Variants in C10orf67 observed in about 807,000 individuals in gnomAD.
C10orf67 encodes the protein chromosome 10 open reading frame 67.
In C10orf67, 60 loss-of-function variants were observed where a neutral mutation model predicts 35.6. The observed-to-expected ratio is 1.68, with a 90% CI of 1.37 to 2.09. The LOEUF (loss-of-function observed/expected upper bound fraction) is 2.09, where lower values mean the gene tolerates loss of function less well. Ranked by LOEUF, C10orf67 falls within the 30% of genes most tolerant of loss-of-function variation. The pLI is 0.00. For missense variants in C10orf67, 474 were observed against 330.2 expected (o/e 1.44, Z -3.38); for synonymous variants, 167 against 115.8 (o/e 1.44, Z -2.84).
At chr10:23,283,338 G>A (rs953978440) in intron 7 of C10orf67, among the ~76,000 whole-genome samples, 4 of 152,090 alleles carry the variant, frequency 2.6e-5, no homozygotes, top group Admixed American at 1.3e-4. Flanking sequence ...TCAACCTTTC[G>A]TTGTGATATG....
Position 23,240,599 on chromosome 10 carries a change from G to A in C10orf67, c.1347-783C>T, listed in dbSNP as rs188919893. ...AGCCTATCTTGATTGCAAGCGATGC[G>A]AAAATTAGGAGATTTGCTGTCAGGA... is the stretch of plus-strand genomic sequence containing the variant. On this transcript the variant is annotated intron_variant, in intron 12 of 15. Transcript: ENST00000636213. Among the ~76,000 whole-genome samples, 468 of 152,306 alleles carry A rather than the reference G, an allele frequency of 3.1e-3. 4 individuals are homozygous for A. Among genetic ancestry groups the A allele is most frequent in the African/African-American group, 0.011 (444 of 41,568 alleles).
At chr10:23,253,053 T>C (rs1842502057) in intron 10 of C10orf67, among the ~76,000 whole-genome samples, 1 of 151,552 alleles carries the variant, frequency 6.6e-6, no homozygotes, top group Non-Finnish European at 1.5e-5. Context: ...GCCATCCATG[T>C]AAGATGTGAC....
At chr10:23,318,689 G>A (rs573692101) in intron 4 of C10orf67, 1 of 537,160 alleles carries the variant, frequency 1.9e-6, no homozygotes, top group Non-Finnish European at 3.3e-6. Context: ...GAGATCGTTA[G>A]CAGAGCAATC....
chr10:23,227,028 C>G (rs1841761023), intron 13 of C10orf67, among the ~76,000 whole-genome samples: 1 of 152,184 alleles, frequency 6.6e-6, no homozygotes, highest in Admixed American at 6.5e-5. Flanking sequence ...GGAGCTGGAA[C>G]CATTCCTTCT....
intron 6 of C10orf67, among the ~76,000 whole-genome samples, chr10:23,290,698 C>G (rs1183818584): frequency 6.6e-6 from 1 of 152,178 alleles, no homozygotes; most frequent in Non-Finnish European, 1.5e-5. Context: ...CTAGTAAGTA[C>G]TAGCATATTT....
intron 15 of C10orf67, among the ~76,000 whole-genome samples, chr10:23,213,056 C>T (rs570264322): frequency 6.6e-6 from 1 of 151,746 alleles, no homozygotes; most frequent in African/African-American, 2.4e-5. Context: ...CAGAGTAAAA[C>T]AAGAACAGTG....
intron 2 of C10orf67, among the ~76,000 whole-genome samples, chr10:23,330,885 G>C (rs1320378713): frequency 1.3e-5 from 2 of 151,942 alleles, no homozygotes; most frequent in Non-Finnish European, 2.9e-5. Context: ...TCAACCTCAC[G>C]GTTCAAACAG....
At chr10:23,230,484 T>C (rs1841878801) in intron 13 of C10orf67, among the ~76,000 whole-genome samples, 1 of 152,198 alleles carries the variant, frequency 6.6e-6, no homozygotes, top group East Asian at 1.9e-4. Context: ...ATTGAGAACA[T>C]TTATTTATTA....
chr10:23,291,276 A>G lies in C10orf67; in HGVS notation c.706T>C (p.Ser236Pro). 2 of 714,206 alleles carry G rather than the reference A, an allele frequency of 2.8e-6. No homozygotes were observed. Among genetic ancestry groups the G allele is most frequent in the East Asian group, 5.4e-5 (2 of 37,240 alleles). 44.2% of individuals were successfully genotyped at this position (714,206 alleles called of 1,614,324 possible). ...GGAGAGCTGGTTTCTTTGGCAAAAG[A>G]TTCCTAAAAGATGGAGAATGCCATA... Reference protein sequence around the residue: ...YKDFGFHKMESFAKETSSPKS... With the variant: ...YKDFGFHKMEPFAKETSSPKS... Residue 236 changes from serine to proline, a missense_variant, in exon 6 of 16, where the codon TCT becomes CCT. Transcript: ENST00000636213.
chr10:23,282,028 T>C lies in C10orf67; in HGVS notation c.960A>G (p.Ser320=), dbSNP rs1843381828. 2 of 625,918 alleles carry C rather than the reference T, an allele frequency of 3.2e-6. No homozygotes were observed. The highest frequency in any genetic ancestry group is 5.8e-6 in the Non-Finnish European group (2 of 345,182). 38.8% of individuals were successfully genotyped at this position (625,918 alleles called of 1,614,324 possible). A position where few individuals can be genotyped will look rare whatever the true frequency, so the allele number is the denominator to read the frequency against. ...ATCATCTTACCACATCCTGAACTAA[T>C]GATTTTTCATAATGAAGCTCTTCTC... is the stretch of plus-strand genomic sequence containing the variant. ...RLREELHYEK[S]LVQDVINKQK... Residue 320 remains serine (S), a synonymous_variant, in exon 8 of 16, where the codon TCA becomes TCG. Transcript: ENST00000636213.
chr10:23,316,388 A>G (rs1844711847), intron 4 of C10orf67, among the ~76,000 whole-genome samples: 1 of 152,210 alleles, frequency 6.6e-6, no homozygotes, highest in Non-Finnish European at 1.5e-5. Flanking sequence ...GGGTGTCACA[A>G]CACTGGCTCA....
rs187403519 is a variant in C10orf67 at position 23,204,669 on chromosome 10, C to T, written c.1571-414G>A. Among the ~76,000 whole-genome samples, 187 of 152,276 alleles carry T rather than the reference C, an allele frequency of 1.2e-3. 1 individual carries two copies. The highest frequency in any genetic ancestry group is 4.1e-3 in the African/African-American group (171 of 41,552). ...TTCCAAGTTTTAAATTTCCATTTGCCTTGCAATGGAAATAGACGGGGCCTG... is the reference window on the plus strand; with the variant it reads ...TTCCAAGTTTTAAATTTCCATTTGCTTTGCAATGGAAATAGACGGGGCCTG... On this transcript the variant is annotated intron_variant, in intron 15 of 15. Coordinates refer to ENST00000636213, the MANE Select transcript of C10orf67 (RefSeq NM_001371909.1).
Position 23,206,404 on chromosome 10 carries a change from C to A in C10orf67, c.1571-2149G>T, listed in dbSNP as rs189095683. ...TTTTTGTTGGCACCACAGGGCTCAG[C>A]TGTAACTGTCCATTTGTATGTATAT... On this transcript the variant is annotated intron_variant, in intron 15 of 15. Transcript: ENST00000636213. 1.1e-4 allele frequency among the ~76,000 whole-genome samples: 16 copies of A among 152,282 alleles called. No individual in the cohort carries two copies. The East Asian group carries it at 3.1e-3, about 29-fold the overall frequency.
intron 5 of C10orf67, among the ~76,000 whole-genome samples, chr10:23,298,910 A>G (rs1052756666): frequency 3.9e-5 from 6 of 152,158 alleles, no homozygotes; most frequent in African/African-American, 1.2e-4. Context: ...TTGGGCTAAT[A>G]GTCTTGGGTG....
chr10:23,224,148 C>T (rs1841665176), intron 13 of C10orf67, among the ~76,000 whole-genome samples: 1 of 152,152 alleles, frequency 6.6e-6, no homozygotes, highest in African/African-American at 2.4e-5. Flanking sequence ...AGACTGACAC[C>T]CCACATGGCT....
At chr10:23,209,738 G>A (rs747881477) in intron 15 of C10orf67, among the ~76,000 whole-genome samples, 4 of 152,096 alleles carry the variant, frequency 2.6e-5, no homozygotes, top group Non-Finnish European at 4.4e-5. Flanking sequence ...AGTGGCTCAT[G>A]CCTGTAATCC....
At chr10:23,206,070 A>T (rs1841152662) in intron 15 of C10orf67, among the ~76,000 whole-genome samples, 1 of 152,186 alleles carries the variant, frequency 6.6e-6, no homozygotes, top group Non-Finnish European at 1.5e-5. Context: ...AGATACTCCC[A>T]TTTGGGAGGG....
chr10:23,325,636 T>C (rs1845163940), intron 2 of C10orf67, among the ~76,000 whole-genome samples: 1 of 147,206 alleles, frequency 6.8e-6, no homozygotes, highest in African/African-American at 2.5e-5. Flanking sequence ...GAAGATAACA[T>C]CCACACTGTC....
At chr10:23,266,215 T>C in intron 10 of C10orf67, 47 bp downstream of exon 10, 1 of 398,198 alleles carries the variant, frequency 2.5e-6, no homozygotes, top group Non-Finnish European at 4.4e-6. Context: ...CAGGAGTCCC[T>C]GTGCAGAGGA....
Sources: allele counts gnomAD v4.1 joint callset (sites outside exome capture counted in the v4.1 genomes callset), GRCh38; gene constraint gnomAD v4.1.1; transcripts MANE v1.5; gene names NCBI Gene and HGNC (gene_info 2026-07-23, HGNC 2026-07-21).